The following MARK3 variants were observed in gnomAD, a reference collection of about 807,000 sequenced individuals.
MARK3 encodes microtubule affinity regulating kinase 3.
A neutral mutation model predicts 90.1 loss-of-function variants in MARK3; 46 were observed. That is an observed-to-expected ratio of 0.51 (90% CI 0.40 to 0.65). The LOEUF (loss-of-function observed/expected upper bound fraction) is 0.65, where lower values mean the gene tolerates loss of function less well. MARK3 is among the 30% of genes least tolerant of loss of function. MARK3 has a pLI of 0.00. For missense variants in MARK3, 818 were observed against 947.2 expected, an observed-to-expected ratio of 0.86 and a Z score of 1.79; for synonymous variants, 321 against 332.6, an observed-to-expected ratio of 0.97 and a Z score of 0.38.
chr14:103,437,613 G>T lies in MARK3; in HGVS notation c.297+9173G>T, dbSNP rs537447764. Among the ~76,000 whole-genome samples the T allele has an allele frequency of 9.9e-5, 15 of 152,170 alleles. No individual in the cohort carries two copies. The East Asian group carries it at 2.9e-3, about 29-fold the overall frequency. On this transcript the variant is annotated intron_variant, in intron 3 of 17. Transcript: ENST00000429436. ...AAAGTATATTTTTCATTGTACCAAG[G>T]ACTTATTATGCTATTTTAGAAAAGT...
intron 3 of MARK3, among the ~76,000 whole-genome samples, chr14:103,441,281 G>T (rs2092846780): frequency 6.6e-6 from 1 of 151,194 alleles, no homozygotes; most frequent in Non-Finnish European, 1.5e-5. Context: ...TGTCTTTTTT[G>T]TTTTTTTGTT....
intron 14 of MARK3, among the ~76,000 whole-genome samples, chr14:103,488,040 G>A (rs1008727960): frequency 1.2e-4 from 12 of 100,280 alleles, no homozygotes; most frequent in South Asian, 2.8e-4. Flanking sequence ...GTGAGACTCC[G>A]TCTCAAAAAA....
chr14:103,452,471 C>CTTTTT (rs71126026), intron 5 of MARK3, among the ~76,000 whole-genome samples: 11,354 of 97,294 alleles, frequency 0.12, 2,456 homozygotes, highest in Non-Finnish European at 0.18. Context: ...CAGGATTTGT[C>CTTTTT]TTTTTTTTTT....
At chr14:103,386,811 G>A (rs2089842130) in intron 1 of MARK3, among the ~76,000 whole-genome samples, 1 of 152,150 alleles carries the variant, frequency 6.6e-6, no homozygotes, top group Non-Finnish European at 1.5e-5. Flanking sequence ...GCTTAGATGA[G>A]CTCTTAGGTC....
intron 2 of MARK3, among the ~76,000 whole-genome samples, chr14:103,407,937 G>A (rs993151350): frequency 1.8e-4 from 28 of 152,070 alleles, no homozygotes; most frequent in African/African-American, 6.5e-4. Flanking sequence ...TTCTGTTTAG[G>A]GAACATTTCT....
Position 103,385,995 on chromosome 14 carries a change from G to T in MARK3, c.-35G>T, listed in dbSNP as rs1168013558. 1.9e-6 allele frequency: 3 copies of T among 1,587,974 alleles called. No homozygotes were observed. In the Admixed American group the frequency reaches 5.0e-5, roughly 26 times the overall value. ...TCCTAGGGCTGTGCTGTTTTGTTTT[G>T]ACCCTCGCATTGTGCAGAATTAAAG... On this transcript the variant is annotated 5_prime_UTR_variant, in exon 1 of 18. Transcript: ENST00000429436.
At chr14:103,408,337 G>A (rs533048341) in intron 2 of MARK3, among the ~76,000 whole-genome samples, 5 of 152,040 alleles carry the variant, frequency 3.3e-5, no homozygotes, top group African/African-American at 4.8e-5. Context: ...ACAGGCACAC[G>A]CCACCGCACC....
chr14:103,476,922 C>A (rs558481392), intron 13 of MARK3, among the ~76,000 whole-genome samples: 5 of 152,180 alleles, frequency 3.3e-5, no homozygotes, highest in Admixed American at 6.5e-5. Context: ...AATTCCGTCT[C>A]CAACGTTTGT....
chr14:103,460,376 G>A (rs1053557298), intron 6 of MARK3, among the ~76,000 whole-genome samples: 4 of 151,930 alleles, frequency 2.6e-5, no homozygotes, highest in East Asian at 3.9e-4. Context: ...TGAGCCACGC[G>A]CCCGGCACAG....
chr14:103,404,652 G>A (rs1431200684), intron 1 of MARK3, among the ~76,000 whole-genome samples: 1 of 152,136 alleles, frequency 6.6e-6, no homozygotes, highest in Non-Finnish European at 1.5e-5. Flanking sequence ...GATTCTCTAT[G>A]GATTTCCCCC....
intron 5 of MARK3, among the ~76,000 whole-genome samples, chr14:103,455,725 CAAAAAAAAAA>C (rs57129835): frequency 1.2e-5 from 1 of 84,032 alleles, no homozygotes; most frequent in African/African-American, 5.7e-5. Flanking sequence ...AACTCTGTCT[CAAAAAAAAAA>C]AAAAAAAAGC....
chr14:103,493,629 C>G (rs111491029), intron 15 of MARK3, among the ~76,000 whole-genome samples: 8 of 152,116 alleles, frequency 5.3e-5, no homozygotes, highest in Non-Finnish European at 1.2e-4. Flanking sequence ...AATCCCAGCA[C>G]TTTGGGAGGC....
At chr14:103,478,171 T>C (rs945493674) in intron 13 of MARK3, among the ~76,000 whole-genome samples, 5 of 151,734 alleles carry the variant, frequency 3.3e-5, no homozygotes, top group African/African-American at 1.2e-4. Flanking sequence ...GGCGGGCACC[T>C]GTAATCCCAG....
At chr14:103,488,325 A>C (rs910461872) in intron 14 of MARK3, among the ~76,000 whole-genome samples, 1 of 152,064 alleles carries the variant, frequency 6.6e-6, no homozygotes, top group East Asian at 1.9e-4. Context: ...ACTTCTTCCC[A>C]CACACAGCTG....
At chr14:103,446,219 A>G (rs2092991065) in intron 3 of MARK3, among the ~76,000 whole-genome samples, 1 of 152,224 alleles carries the variant, frequency 6.6e-6, no homozygotes, top group African/African-American at 2.4e-5. Flanking sequence ...GGGAGAAGAC[A>G]TTTAAAGGAA....
chr14:103,480,450 G>A lies in MARK3; in HGVS notation c.1546G>A (p.Ala516Thr), dbSNP rs1267619667. Residue 516 changes from alanine to threonine, a missense_variant, in exon 14 of 18, where the codon GCT becomes ACT. Ala to Thr is a moderately conservative substitution (Grantham distance 58, BLOSUM62 0). This residue lies in a region of MARK3 where 560 missense variants were observed against 613.5 expected (regional missense o/e 0.91). Transcript: ENST00000429436. ...NTYVCSERTT[A>T]DRHSVIQNGK... ...TTATGTTTGCAGTGAGAGAACTACA[G>A]CTGATAGACACTCAGTGATTCAGAA... 1 of 1,613,422 alleles carries A rather than the reference G, an allele frequency of 6.2e-7. No individual in the cohort carries two copies. The highest frequency in any genetic ancestry group is 1.7e-5 in the Admixed American group (1 of 59,996).
chr14:103,406,752 G>A (rs1334193960), intron 2 of MARK3, among the ~76,000 whole-genome samples: 1 of 143,150 alleles, frequency 7.0e-6, no homozygotes, highest in Non-Finnish European at 1.5e-5. Flanking sequence ...ATAGGCATGA[G>A]CCACCACGCC....
At chr14:103,486,298 G>T (rs554668691) in intron 14 of MARK3, among the ~76,000 whole-genome samples, 1 of 152,126 alleles carries the variant, frequency 6.6e-6, no homozygotes, top group Non-Finnish European at 1.5e-5. Context: ...AATTAGCTAG[G>T]TGTGGTGGTA....
At chr14:103,498,573 A>T in intron 16 of MARK3, 45 bp downstream of exon 16, 1 of 1,314,906 alleles carries the variant, frequency 7.6e-7, no homozygotes, top group Non-Finnish European at 9.8e-7. Context: ...CTCACTCCCA[A>T]ATGGCTCCTG....
Sources: allele counts gnomAD v4.1 joint callset (sites outside exome capture counted in the v4.1 genomes callset), GRCh38; gene constraint gnomAD v4.1.1; regional missense constraint gnomAD v4.1.1; transcripts MANE v1.5; gene names NCBI Gene and HGNC (gene_info 2026-07-23, HGNC 2026-07-21).